Variants in GABRG2 observed in about 807,000 individuals in gnomAD.
GABRG2 encodes the protein gamma-aminobutyric acid type A receptor subunit gamma2.
Under a neutral mutation model 56.4 loss-of-function variants are expected in GABRG2, and 16 were observed. The observed-to-expected ratio is 0.28, with a 90% CI of 0.19 to 0.43. GABRG2 has a LOEUF of 0.43. Ranked by LOEUF, GABRG2 falls within the 20% of genes least tolerant of loss-of-function variation. The pLI, the probability that GABRG2 is intolerant of heterozygous loss-of-function variation, is 1.00. For synonymous variants in GABRG2, 208 were observed against 205.5 expected (o/e 1.01, Z -0.10); for missense variants, 327 against 582.7 (o/e 0.56, Z 4.52).
intron 1 of GABRG2, among the ~76,000 whole-genome samples, chr5:162,091,322 A>G (rs1760564819): frequency 6.6e-6 from 1 of 151,890 alleles, no homozygotes; most frequent in Non-Finnish European, 1.5e-5. Context: ...ATTATTAAGG[A>G]ATTTTGCTAT....
In GABRG2 at chr5:162,142,642, C is replaced by A. The variant is rs112085034; in HGVS notation, c.922+326C>A. 8.6e-6 allele frequency: 3 copies of A among 348,312 alleles called. No individual in the cohort carries two copies. The East Asian group carries it at 2.2e-4, about 26-fold the overall frequency. 21.6% of individuals were successfully genotyped at this position (348,312 alleles called of 1,614,324 possible). ...GAAACCATCATTCTCAGCAAACTAT[C>A]GCAAGGACAAAAAACCAAACACTGC... On this transcript the variant is annotated intron_variant, in intron 7 of 9. Coordinates refer to ENST00000639213, the MANE Select transcript of GABRG2 (RefSeq NM_198904.4).
At chr5:162,094,609 A>G (rs1306309804) in intron 2 of GABRG2, 3 of 153,530 alleles carry the variant, frequency 2.0e-5, no homozygotes, top group South Asian at 2.0e-4. Context: ...TTTTGTATAT[A>G]TATTATTAGC....
intron 1 of GABRG2, among the ~76,000 whole-genome samples, chr5:162,086,582 C>T (rs1760133768): frequency 6.6e-6 from 1 of 151,968 alleles, no homozygotes; most frequent in South Asian, 2.1e-4. Flanking sequence ...AAAACGTCTT[C>T]TTTCTTTCCT....
At chr5:162,139,760 G>A (rs551373047) in intron 6 of GABRG2, among the ~76,000 whole-genome samples, 49 of 152,210 alleles carry the variant, frequency 3.2e-4, no homozygotes, top group Non-Finnish European at 5.6e-4. Context: ...ATGATAATTC[G>A]TAATTTTTTA....
intron 5 of GABRG2, chr5:162,103,639 A>G (rs1450411652): frequency 1.9e-6 from 1 of 515,592 alleles, no homozygotes; most frequent in Non-Finnish European, 3.5e-6. Flanking sequence ...CACATGTAGT[A>G]TACCTTCTAT....
intron 6 of GABRG2, among the ~76,000 whole-genome samples, chr5:162,113,103 C>T (rs1227199019): frequency 1.3e-5 from 2 of 151,966 alleles, no homozygotes; most frequent in Non-Finnish European, 2.9e-5. Context: ...CTATGCCTGG[C>T]TAATTTTTGT....
chr5:162,119,703 C>T (rs1762857192), intron 6 of GABRG2, among the ~76,000 whole-genome samples: 1 of 152,112 alleles, frequency 6.6e-6, no homozygotes, highest in Non-Finnish European at 1.5e-5. Flanking sequence ...ACACCGAAGT[C>T]TATGCTTTTT....
At chr5:162,090,738 G>A (rs1044809506) in intron 1 of GABRG2, among the ~76,000 whole-genome samples, 1 of 152,138 alleles carries the variant, frequency 6.6e-6, no homozygotes, top group African/African-American at 2.4e-5. Context: ...ACCAGGAGGA[G>A]TAATAACTTC....
In GABRG2 at chr5:162,142,085, C is replaced by T. The variant is rs17060115; in HGVS notation, c.770-79C>T. The T allele has an allele frequency of 6.1e-4, 887 of 1,445,456 alleles. 3 individuals are homozygous for T. In the African/African-American group the frequency reaches 0.01, roughly 17 times the overall value. 89.5% of individuals were successfully genotyped at this position (1,445,456 alleles called of 1,614,324 possible). A position where few individuals can be genotyped will look rare whatever the true frequency, so the allele number is the denominator to read the frequency against. ...TCTTAATTTAAATGTGTGTGCATAA[C>T]CATTAAATACATGCTTAGTTTTAAT... On this transcript the variant is annotated intron_variant, in intron 6 of 9. Transcript: ENST00000639213.
At position 162,127,749 on chromosome 5, in the gene GABRG2, T is replaced by C. The variant is rs538105407; in HGVS notation, c.770-14415T>C. ...TAATCATTAGACAACTAGTATATTA[T>C]GCTTTCTATCAGATCAATCAAAGGA... On this transcript the variant is annotated intron_variant, in intron 6 of 9. Transcript: ENST00000639213. 4.5e-4 allele frequency among the ~76,000 whole-genome samples: 69 copies of C among 152,170 alleles called. 1 individual carries two copies. The South Asian group carries it at 6.0e-3, about 13-fold the overall frequency.
intron 1 of GABRG2, among the ~76,000 whole-genome samples, chr5:162,073,451 G>T (rs1758834717): frequency 6.6e-6 from 1 of 151,764 alleles, no homozygotes; most frequent in Non-Finnish European, 1.5e-5. Flanking sequence ...AGGAGATCTT[G>T]CTTTTTATTG....
chr5:162,111,209 T>C (rs908302791), intron 6 of GABRG2, among the ~76,000 whole-genome samples: 6 of 152,196 alleles, frequency 3.9e-5, no homozygotes, highest in Non-Finnish European at 8.8e-5. Flanking sequence ...TTTAGGTTTT[T>C]AATTTAGAGG....
intron 4 of GABRG2, chr5:162,099,751 C>T (rs764771048): frequency 2.0e-5 from 3 of 152,116 alleles, no homozygotes; most frequent in Non-Finnish European, 4.4e-5. Flanking sequence ...AAAGCCACCT[C>T]AAAAGTGTCA....
chr5:162,070,179 C>T (rs1758558561), intron 1 of GABRG2, among the ~76,000 whole-genome samples: 1 of 152,058 alleles, frequency 6.6e-6, no homozygotes, highest in Non-Finnish European at 1.5e-5. Flanking sequence ...TTGTACCAGA[C>T]TATCTTAGAT....
chr5:162,082,230 A>G (rs1165908878), intron 1 of GABRG2, among the ~76,000 whole-genome samples: 1 of 151,862 alleles, frequency 6.6e-6, no homozygotes, highest in Non-Finnish European at 1.5e-5. Flanking sequence ...TACAATATGC[A>G]CATTAGTGTT....
chr5:162,126,838 C>T (rs996243502), intron 6 of GABRG2, among the ~76,000 whole-genome samples: 30 of 152,094 alleles, frequency 2.0e-4, no homozygotes, highest in African/African-American at 7.0e-4. Flanking sequence ...ATTGTACATG[C>T]AAGGCACTTT....
intron 7 of GABRG2, among the ~76,000 whole-genome samples, chr5:162,146,844 C>T (rs1764986570): frequency 6.6e-6 from 1 of 152,190 alleles, no homozygotes; most frequent in African/African-American, 2.4e-5. Context: ...CAACATCAGT[C>T]TTTCCACTGT....
At chr5:162,069,639 T>C (rs1758509624) in intron 1 of GABRG2, among the ~76,000 whole-genome samples, 1 of 152,160 alleles carries the variant, frequency 6.6e-6, no homozygotes, top group Non-Finnish European at 1.5e-5. Context: ...TTTTGTACCT[T>C]ACTAATTTAC....
chr5:162,112,298 C>A (rs1762305360), intron 6 of GABRG2, among the ~76,000 whole-genome samples: 1 of 151,756 alleles, frequency 6.6e-6, no homozygotes, highest in South Asian at 2.1e-4. Flanking sequence ...ATTTTCTAAC[C>A]CAGCTGAAAA....
Sources: gnomAD v4.1 joint callset for allele counts (sites outside exome capture counted in the v4.1 genomes callset) on GRCh38, gnomAD v4.1.1 for gene constraint, MANE v1.5 for transcripts, NCBI Gene and HGNC (gene_info 2026-07-23, HGNC 2026-07-21) for gene names.